Variants in RIF1 observed in about 807,000 individuals in gnomAD.
The protein encoded by RIF1 is telomere-associated protein RIF1.
Under a neutral mutation model 247.1 loss-of-function variants are expected in RIF1, and 45 were observed. That is an observed-to-expected ratio of 0.18 (90% CI 0.14 to 0.23). The LOEUF is 0.23. Ranked by LOEUF, RIF1 falls within the 10% of genes least tolerant of loss-of-function variation. The pLI, the probability that RIF1 is intolerant of heterozygous loss-of-function variation, is 1.00. For synonymous variants in RIF1, 1,087 were observed against 978.8 expected (o/e 1.11, Z -2.06); for missense variants, 2,967 against 2,862.5 (o/e 1.04, Z -0.83).
intron 2 of RIF1, among the ~76,000 whole-genome samples, chr2:151,410,782 TAA>T (rs1365424898): frequency 1.3e-5 from 2 of 152,104 alleles, no homozygotes; most frequent in Non-Finnish European, 2.9e-5. Flanking sequence ...GAGGGATTTT[TAA>T]AAGTTTCGGT....
chr2:151,498,185 CAAA>C, intron 10 of RIF1: 1 of 1,547,200 alleles, frequency 6.5e-7, no homozygotes. Flanking sequence ...GGGCTTCAAA[CAAA>C]AATAAATAAA....
intron 34 of RIF1, among the ~76,000 whole-genome samples, chr2:151,471,878 T>A (rs1392081209): frequency 6.6e-6 from 1 of 152,202 alleles, no homozygotes; most frequent in African/African-American, 2.4e-5. Context: ...CATATGAACT[T>A]TAAAGTAGTT....
intron 34 of RIF1, among the ~76,000 whole-genome samples, chr2:151,470,232 A>G (rs1697588468): frequency 6.6e-6 from 1 of 152,096 alleles, no homozygotes; most frequent in Non-Finnish European, 1.5e-5. Context: ...AGTATTGTGC[A>G]TATGAACATT....
the RIF1 span, among the ~76,000 whole-genome samples, chr2:151,513,339 TCA>T: frequency 6.6e-6 from 1 of 152,174 alleles, no homozygotes; most frequent in Admixed American, 6.5e-5. Context: ...ACTTAATTCC[TCA>T]GTTTCTGCCC....
At chr2:151,458,403 T>C (rs867973085) in intron 24 of RIF1, among the ~76,000 whole-genome samples, 3 of 151,916 alleles carry the variant, frequency 2.0e-5, no homozygotes, top group Admixed American at 6.6e-5. Flanking sequence ...TGGCTAATTT[T>C]TTGTATTTTT....
In RIF1 at chr2:151,464,146, T is replaced by C. The variant is rs139815683; in HGVS notation, c.4626T>C (p.Ser1542=). 5.0e-6 allele frequency: 8 copies of C among 1,610,230 alleles called. No homozygotes were observed. Among genetic ancestry groups the C allele is most frequent in the Non-Finnish European group, 6.8e-6 (8 of 1,179,134 alleles). ...GRTRYQTRRA[S]QGLLSSIENS... is the part of the protein sequence containing the mutation. Reference sequence around the variant, plus strand: ...CACGGTATCAAACTAGAAGAGCATCTCAGGGTTTGCTTTCCAGCATTGAAA... The same window carrying C: ...CACGGTATCAAACTAGAAGAGCATCCCAGGGTTTGCTTTCCAGCATTGAAA... The change falls in exon 30 of 36, where the codon TCT becomes TCC. Residue 1542 remains serine, a synonymous_variant. Coordinates refer to ENST00000444746, the MANE Select transcript of RIF1 (RefSeq NM_018151.5).
intron 6 of RIF1, among the ~76,000 whole-genome samples, chr2:151,419,120 A>C (rs1278526367): frequency 6.6e-6 from 1 of 151,906 alleles, no homozygotes; most frequent in South Asian, 2.1e-4. Flanking sequence ...AGTAACATGC[A>C]TGGAGCTGTC....
At chr2:151,502,565 A>T (rs1236726975) in intron 11 of RIF1, among the ~76,000 whole-genome samples, 2 of 152,124 alleles carry the variant, frequency 1.3e-5, no homozygotes, top group African/African-American at 2.4e-5. Flanking sequence ...GGAAGAAAAC[A>T]GAGTATTACA....
intron 27 of RIF1, 102 bp from the exon 28 acceptor site, chr2:151,462,140 T>A: frequency 2.9e-6 from 2 of 692,372 alleles, no homozygotes; most frequent in Non-Finnish European, 4.5e-6. Flanking sequence ...CCCAAAGTGC[T>A]GGGATTACAG....
intron 10 of RIF1, chr2:151,498,210 G>A (rs2061656970): frequency 1.9e-6 from 3 of 1,549,582 alleles, no homozygotes; most frequent in Middle Eastern, 3.4e-4. Context: ...GTAAAGATCA[G>A]TTTAATTCTG....
chr2:151,490,414 G>T, intron 9 of RIF1: 1 of 1,598,700 alleles, frequency 6.3e-7, no homozygotes, highest in East Asian at 2.3e-5. Flanking sequence ...TAAGTCGAAA[G>T]GTGGTGGTCT....
At chr2:151,519,546 C>G in the RIF1 span, 1 of 782,176 alleles carries the variant, frequency 1.3e-6, no homozygotes. Context: ...GAAATAGTGA[C>G]AGTAGTTGGA....
rs138147981 is a variant in RIF1, at chr2:151,442,048, T to TTTTTGTTTTATTTTATTTTA, written c.1734+61_1734+62insGTTTTATTTTATTTTATTTT. 303 of 237,778 alleles carry TTTTTGTTTTATTTTATTTTA rather than the reference T, an allele frequency of 1.3e-3. 2 individuals are homozygous for TTTTTGTTTTATTTTATTTTA. The highest frequency in any genetic ancestry group is 6.9e-3 in the African/African-American group (271 of 39,436). 14.7% of individuals were successfully genotyped at this position (237,778 alleles called of 1,614,324 possible). On this transcript the variant is annotated intron_variant, in intron 16 of 35. Coordinates refer to ENST00000444746, the MANE Select transcript of RIF1 (RefSeq NM_018151.5). ...TGGCCAAAAACATTTATACTTCCCT[T>TTTTTGTTTTATTTTATTTTA]TTTTATTTTATTTTATTTTATTTTA...
chr2:151,411,457 C>T (rs1686205830), intron 3 of RIF1, 119 bp downstream of exon 3: 1 of 619,628 alleles, frequency 1.6e-6, no homozygotes, highest in Non-Finnish European at 2.9e-6. Flanking sequence ...AGTGCAATGG[C>T]TCAGGCTCGG....
intron 7 of RIF1, 100 bp downstream of exon 7, chr2:151,420,479 C>T (rs1349267333): frequency 9.7e-6 from 11 of 1,131,974 alleles, no homozygotes; most frequent in East Asian, 2.5e-5. Flanking sequence ...TGGCTCTCAC[C>T]TGTAGTCCCA....
chr2:151,492,888 A>T, intron 9 of RIF1: 1 of 181,486 alleles, frequency 5.5e-6, no homozygotes, highest in Admixed American at 5.7e-5. Context: ...TTGTGTCCAG[A>T]CTTCATAAAC....
chr2:151,518,945 G>T, the RIF1 span: 1 of 1,558,030 alleles, frequency 6.4e-7, no homozygotes, highest in South Asian at 1.1e-5. Flanking sequence ...GCTGTTTCTG[G>T]AGCAAATGAC....
At chr2:151,504,577 T>C (rs540454943) in intron 12 of RIF1, among the ~76,000 whole-genome samples, 1 of 152,292 alleles carries the variant, frequency 6.6e-6, no homozygotes, top group South Asian at 2.1e-4. Flanking sequence ...AAGAGAAATA[T>C]CAAGTATCCT....
chr2:151,513,462 A>C, the RIF1 span: 2 of 729,338 alleles, frequency 2.7e-6, no homozygotes, highest in Non-Finnish European at 4.5e-6. Flanking sequence ...GCAGATGTTC[A>C]AGAATGCCAT....
Sources: allele counts gnomAD v4.1 joint callset (sites outside exome capture counted in the v4.1 genomes callset), GRCh38; gene constraint gnomAD v4.1.1; transcripts MANE v1.5; gene names NCBI Gene and HGNC (gene_info 2026-07-23, HGNC 2026-07-21).